KCNN2: variants seen among roughly 807,000 people sequenced by gnomAD.
The protein encoded by KCNN2 is small conductance calcium-activated potassium channel protein 2.
A neutral mutation model predicts 55.5 loss-of-function variants in KCNN2; 24 were observed. That is an observed-to-expected ratio of 0.43 (90% confidence interval 0.31 to 0.61). The LOEUF is 0.61. Among genes scored for constraint, KCNN2 ranks in the 20% least tolerant of loss-of-function variants. The pLI is 0.08. For synonymous variants in KCNN2, 431 were observed against 336.1 expected (o/e 1.28, Z -3.09); for missense variants, 754 against 853.6 (o/e 0.88, Z 1.45).
At chr5:114,133,309 T>C (rs1201486132) in intron 1 of KCNN2, among the ~76,000 whole-genome samples, 1 of 152,226 alleles carries the variant, frequency 6.6e-6, no homozygotes, top group Non-Finnish European at 1.5e-5. Flanking sequence ...TTTATGATTC[T>C]TTTCATACCA....
intron 1 of KCNN2, among the ~76,000 whole-genome samples, chr5:114,177,054 C>T (rs1580591301): frequency 6.6e-6 from 1 of 152,118 alleles, no homozygotes; most frequent in African/African-American, 2.4e-5. Flanking sequence ...ATTTTCCACA[C>T]CCTAAAGTCA....
chr5:114,297,212 G>C (rs1756030456), intron 2 of KCNN2, among the ~76,000 whole-genome samples: 1 of 152,052 alleles, frequency 6.6e-6, no homozygotes, highest in Non-Finnish European at 1.5e-5. Flanking sequence ...CTAACTACTA[G>C]GAGGCAGAGG....
intron 1 of KCNN2, among the ~76,000 whole-genome samples, chr5:114,110,655 G>A (rs1751577669): frequency 1.3e-5 from 2 of 151,960 alleles, no homozygotes; most frequent in Admixed American, 1.3e-4. Flanking sequence ...AGCTCTCCAG[G>A]ACATTTCTAT....
At chr5:114,451,567 T>G (rs906356630) in intron 3 of KCNN2, among the ~76,000 whole-genome samples, 1 of 152,142 alleles carries the variant, frequency 6.6e-6, no homozygotes, top group East Asian at 1.9e-4. Context: ...AATACTCACT[T>G]TGGCATTTTA....
At chr5:114,405,135 C>T (rs1758892001) in intron 3 of KCNN2, among the ~76,000 whole-genome samples, 1 of 152,140 alleles carries the variant, frequency 6.6e-6, no homozygotes, top group Non-Finnish European at 1.5e-5. Context: ...AGAAATTGTA[C>T]AGGACACTTT....
At chr5:114,277,966 C>T (rs1755527315) in intron 2 of KCNN2, among the ~76,000 whole-genome samples, 1 of 152,112 alleles carries the variant, frequency 6.6e-6, no homozygotes, top group African/African-American at 2.4e-5. Context: ...TTCTTCCCAT[C>T]TTTGTAGTTT....
chr5:114,136,870 A>G (rs1310125938), intron 1 of KCNN2, among the ~76,000 whole-genome samples: 3 of 152,168 alleles, frequency 2.0e-5, no homozygotes, highest in African/African-American at 7.2e-5. Flanking sequence ...TTTGCTTTAT[A>G]TGTTTTCTAA....
chr5:114,126,960 A>G (rs1751946233), intron 1 of KCNN2, among the ~76,000 whole-genome samples: 1 of 152,214 alleles, frequency 6.6e-6, no homozygotes, highest in Non-Finnish European at 1.5e-5. Context: ...TTAAAGTTCC[A>G]AAATGATCTC....
intron 2 of KCNN2, among the ~76,000 whole-genome samples, chr5:114,222,121 T>C (rs1049302540): frequency 1.3e-5 from 2 of 152,174 alleles, no homozygotes; most frequent in African/African-American, 4.8e-5. Flanking sequence ...AATGCTTCAG[T>C]GAAAGTATAT....
chr5:114,478,478 G>C (rs533390927), intron 5 of KCNN2, among the ~76,000 whole-genome samples: 1 of 151,750 alleles, frequency 6.6e-6, no homozygotes, highest in Non-Finnish European at 1.5e-5. Context: ...ACATACTTCC[G>C]GATATCATCC....
intron 2 of KCNN2, among the ~76,000 whole-genome samples, chr5:114,241,802 ATACGTATATATATATATGTGTG>A (rs1561537240): frequency 6.0e-5 from 2 of 33,296 alleles, no homozygotes; most frequent in Non-Finnish European, 1.2e-4. Context: ...ATGTATATAT[ATACGTATATATATATATGTGTG>A]TATATATATA....
intron 1 of KCNN2, among the ~76,000 whole-genome samples, chr5:114,217,774 T>A (rs1754036643): frequency 6.6e-6 from 1 of 152,046 alleles, no homozygotes; most frequent in Non-Finnish European, 1.5e-5. Context: ...AAATTAAAAA[T>A]TTCTGCTCTG....
At chr5:114,387,737 C>A (rs1359020460) in intron 2 of KCNN2, among the ~76,000 whole-genome samples, 2 of 152,142 alleles carry the variant, frequency 1.3e-5, no homozygotes, top group Non-Finnish European at 2.9e-5. Context: ...AGAAGAAAGG[C>A]TCTATCTACA....
rs1753179252 is a variant in KCNN2 at position 114,178,487 on chromosome 5, G to A, written c.-270-42993G>A. Among the ~76,000 whole-genome samples the A allele has an allele frequency of 2.0e-5, 3 of 152,142 alleles. No individual in the cohort carries two copies. The South Asian group carries it at 6.2e-4, about 31-fold the overall frequency. On this transcript the variant is annotated intron_variant, in intron 1 of 10. Coordinates refer to the KCNN2 transcript ENST00000512097. ...AGTACACACATTTTCAAAGCTGTTGGAAGATTATCAGAAACTGTAGGTGAC... is the reference window on the plus strand; with the variant it reads ...AGTACACACATTTTCAAAGCTGTTGAAAGATTATCAGAAACTGTAGGTGAC...
At chr5:114,222,161 G>T (rs576161413) in intron 2 of KCNN2, among the ~76,000 whole-genome samples, 1 of 152,250 alleles carries the variant, frequency 6.6e-6, no homozygotes, top group South Asian at 2.1e-4. Context: ...TAGTTTGCAA[G>T]GTCTCCTGTA....
At chr5:114,279,594 T>G (rs2150012216) in intron 2 of KCNN2, among the ~76,000 whole-genome samples, 1 of 152,290 alleles carries the variant, frequency 6.6e-6, no homozygotes, top group South Asian at 2.1e-4. Context: ...AATGATGGTT[T>G]CTAGCTTCAT....
intron 1 of KCNN2, among the ~76,000 whole-genome samples, chr5:114,140,307 C>T (rs1459594911): frequency 1.3e-5 from 2 of 152,148 alleles, no homozygotes; most frequent in Non-Finnish European, 2.9e-5. Flanking sequence ...CAGCTCAGTG[C>T]TCTTACTGGC....
At chr5:114,359,989 G>T (rs568151843), upstream of KCNN2, among the ~76,000 whole-genome samples, 1 of 152,280 alleles carries the variant, frequency 6.6e-6, no homozygotes, top group South Asian at 2.1e-4. Context: ...TTAGCTTCGT[G>T]ATTCTAAAGA....
intron 1 of KCNN2, among the ~76,000 whole-genome samples, chr5:114,168,787 C>T (rs1279975392): frequency 1.3e-5 from 2 of 152,134 alleles, no homozygotes; most frequent in East Asian, 1.9e-4. Flanking sequence ...GCTAGTGGAT[C>T]CAAGAATTCT....
Sources: gnomAD v4.1 joint callset for allele counts (sites outside exome capture counted in the v4.1 genomes callset) on GRCh38, gnomAD v4.1.1 for gene constraint, MANE v1.5 for transcripts, NCBI Gene and HGNC (gene_info 2026-07-23, HGNC 2026-07-21) for gene names.